FRY: variants seen among roughly 807,000 people sequenced by gnomAD.
FRY encodes protein furry homolog.
In FRY, 128 loss-of-function variants were observed where a neutral mutation model predicts 348.4. The ratio of observed to expected loss-of-function variants is 0.37; its 90% CI spans 0.32 to 0.43. FRY has a LOEUF of 0.43. Ranked by LOEUF, FRY falls within the 20% of genes least tolerant of loss-of-function variation. The pLI, the probability that FRY is intolerant of heterozygous loss-of-function variation, is 1.00. For missense variants in FRY, 2,736 were observed against 3,695.2 expected, an observed-to-expected ratio of 0.74 and a Z score of 6.73; for synonymous variants, 1,370 against 1,374.7, an observed-to-expected ratio of 1.00 and a Z score of 0.08.
At chr13:32,219,116 T>C (rs1253429657) in intron 36 of FRY, among the ~76,000 whole-genome samples, 1 of 143,868 alleles carries the variant, frequency 7.0e-6, no homozygotes, top group Non-Finnish European at 1.5e-5. Context: ...TGAGACGGAG[T>C]CTCGCTTTGT....
chr13:32,176,793 T>G, intron 20 of FRY, among the ~76,000 whole-genome samples: 1 of 151,644 alleles, frequency 6.6e-6, no homozygotes, highest in Middle Eastern at 3.2e-3. Flanking sequence ...GGGGAGAGAG[T>G]AATGGGAGAA....
At chr13:32,210,805 C>T in intron 33 of FRY, 61 bp from the exon 34 acceptor site, 10 of 1,364,156 alleles carry the variant, frequency 7.3e-6, no homozygotes, top group African/African-American at 1.4e-5. Context: ...GGTTTACTGG[C>T]CTAGTGTTCC....
chr13:32,256,688 T>C (rs887692041), intron 51 of FRY, among the ~76,000 whole-genome samples: 7 of 152,240 alleles, frequency 4.6e-5, no homozygotes, highest in African/African-American at 1.7e-4. Flanking sequence ...TGAAGATGCC[T>C]GAACTTCAGA....
chr13:32,049,602 A>G (rs1873216458), intron 1 of FRY, among the ~76,000 whole-genome samples: 1 of 152,242 alleles, frequency 6.6e-6, no homozygotes, highest in African/African-American at 2.4e-5. Flanking sequence ...ACCCAACCCC[A>G]TAGGTTTTTA....
chr13:32,243,750 TAATA>T (rs1886631052), intron 46 of FRY, among the ~76,000 whole-genome samples: 1 of 152,200 alleles, frequency 6.6e-6, no homozygotes, highest in Non-Finnish European at 1.5e-5. Flanking sequence ...TCTATTTTGA[TAATA>T]TCTTCAGTTC....
At chr13:32,258,049 C>T in intron 51 of FRY, 1 of 1,109,550 alleles carries the variant, frequency 9.0e-7, no homozygotes, top group Non-Finnish European at 1.4e-6. Context: ...AACATAATTG[C>T]TTTTTTCCTC....
At position 32,239,776 on chromosome 13, in the gene FRY, G is replaced by T. The variant is rs375289926; in HGVS notation, c.6582G>T (p.Thr2194=). Residue 2194 remains threonine, a synonymous_variant, in exon 46 of 61, where the codon ACG becomes ACT. Coordinates refer to ENST00000542859, the MANE Select transcript of FRY (RefSeq NM_023037.3). The surrounding 1 kb of genome is among the most constrained non-coding windows in gnomAD (Gnocchi z 4.3). ...CACATGTCATGACTCTTTATAAAAC[G>T]CACAGCTACACGAGGGACTGTGCCA... ...NLAHVMTLYK[T]HSYTRDCATW... is the part of the protein sequence containing the mutation. 1 of 1,613,696 alleles carries T rather than the reference G, an allele frequency of 6.2e-7. No individual in the cohort carries two copies. Among genetic ancestry groups the T allele is most frequent in the Non-Finnish European group, 8.5e-7 (1 of 1,179,662 alleles).
At chr13:32,195,983 C>T (rs1480167890) in intron 29 of FRY, among the ~76,000 whole-genome samples, 2 of 152,212 alleles carry the variant, frequency 1.3e-5, no homozygotes. Flanking sequence ...GCTCTTTCCA[C>T]ATAAATTCTC....
intron 17 of FRY, among the ~76,000 whole-genome samples, chr13:32,165,314 T>A (rs1326138731): frequency 2.0e-5 from 3 of 152,280 alleles, no homozygotes; most frequent in Non-Finnish European, 4.4e-5. Context: ...CACATATGCC[T>A]GTGTTGTGGA....
intron 3 of FRY, among the ~76,000 whole-genome samples, chr13:32,104,287 G>A (rs545764159): frequency 8.9e-4 from 135 of 152,228 alleles, no homozygotes; most frequent in African/African-American, 3.2e-3. Flanking sequence ...CACTTAATTA[G>A]CTATATCACT....
At chr13:32,177,438 A>G (rs1882433329) in intron 20 of FRY, among the ~76,000 whole-genome samples, 1 of 152,026 alleles carries the variant, frequency 6.6e-6, no homozygotes, top group South Asian at 2.1e-4. Flanking sequence ...AAAAAATAAT[A>G]CAAAAATTAG....
At chr13:32,220,949 G>A (rs2138396956) in intron 36 of FRY, among the ~76,000 whole-genome samples, 1 of 152,260 alleles carries the variant, frequency 6.6e-6, no homozygotes, top group South Asian at 2.1e-4. Flanking sequence ...TGAGTTACTA[G>A]TGCATCTGCT....
In FRY at chr13:32,295,693, A is replaced by C; in HGVS notation, c.*233A>C. On this transcript the variant is annotated 3_prime_UTR_variant, in exon 61 of 61. Coordinates refer to ENST00000542859, the MANE Select transcript of FRY (RefSeq NM_023037.3). ...CTCCACTCATCATGCTGTGTGGCAC[A>C]AATGTGTTACATTTGACCGAGCATA... The C allele has an allele frequency of 1.7e-6, 1 of 587,614 alleles. No individual in the cohort carries two copies. Among genetic ancestry groups the C allele is most frequent in the Non-Finnish European group, 3.0e-6 (1 of 329,144 alleles). 36.4% of individuals were successfully genotyped at this position (587,614 alleles called of 1,614,324 possible). A position where few individuals can be genotyped will look rare whatever the true frequency, so the allele number is the denominator to read the frequency against.
chr13:32,118,089 C>T (rs919648497), intron 4 of FRY, among the ~76,000 whole-genome samples: 5 of 152,084 alleles, frequency 3.3e-5, no homozygotes, highest in Admixed American at 3.3e-4. Flanking sequence ...ACTTGCTGCT[C>T]CAGGAGCATA....
intron 1 of FRY, among the ~76,000 whole-genome samples, chr13:32,041,214 G>A (rs1208982218): frequency 1.3e-5 from 2 of 149,192 alleles, no homozygotes; most frequent in Non-Finnish European, 3.0e-5. Flanking sequence ...ATGAGGGCTT[G>A]CAATTGAATG....
chr13:32,063,665 T>G (rs1049096550), intron 1 of FRY, among the ~76,000 whole-genome samples: 1 of 152,206 alleles, frequency 6.6e-6, no homozygotes, highest in Non-Finnish European at 1.5e-5. Context: ...TAAATTATTT[T>G]CATGATCCAG....
intron 17 of FRY, among the ~76,000 whole-genome samples, chr13:32,164,216 C>T (rs939646605): frequency 5.9e-5 from 9 of 152,230 alleles, no homozygotes; most frequent in African/African-American, 2.2e-4. Flanking sequence ...TTTATACCCC[C>T]ACAGTCCAGT....
chr13:32,257,778 A>G (rs745670221), intron 51 of FRY, among the ~76,000 whole-genome samples: 14 of 152,188 alleles, frequency 9.2e-5, no homozygotes, highest in Non-Finnish European at 1.8e-4. Flanking sequence ...TTTAATGTTG[A>G]TTTTTCTCTT....
At chr13:32,287,241 T>A (rs1889124603) in intron 58 of FRY, among the ~76,000 whole-genome samples, 1 of 152,096 alleles carries the variant, frequency 6.6e-6, no homozygotes, top group Admixed American at 6.5e-5. Context: ...AAATTACCTG[T>A]CATATCTCAC....
Sources: gnomAD v4.1 joint callset for allele counts (sites outside exome capture counted in the v4.1 genomes callset) on GRCh38, gnomAD v4.1.1 for gene constraint, Gnocchi (gnomAD v3.1) non-coding constraint, MANE v1.5 for transcripts, NCBI Gene and HGNC (gene_info 2026-07-23, HGNC 2026-07-21) for gene names.